OR52I2: variants seen among roughly 807,000 people sequenced by gnomAD.
The protein encoded by OR52I2 is olfactory receptor 52I2.
For missense variants in OR52I2, 350 were observed against 402.4 expected, an observed-to-expected ratio of 0.87 and a Z score of 1.11; for synonymous variants, 147 against 151.9, an observed-to-expected ratio of 0.97 and a Z score of 0.24.
At chr11:4,581,949 C>G (rs1240644314) in intron 1 of OR52I2, 85 bp downstream of exon 1, 1 of 152,188 alleles carries the variant, frequency 6.6e-6, no homozygotes, top group African/African-American at 2.4e-5. Flanking sequence ...CTGGGTCACC[C>G]CAGAATGAAA....
chr11:4,587,008 A>C (rs781069460), exon 2 of OR52I2: 2 of 1,614,140 alleles, frequency 1.2e-6, no homozygotes, highest in Non-Finnish European at 1.7e-6. Flanking sequence ...TGCCATGTAC[A>C]TCATAGCCCT....
exon 2 of OR52I2, chr11:4,587,984 T>G (rs1846321704): frequency 1.2e-6 from 1 of 810,398 alleles, no homozygotes; most frequent in Admixed American, 2.4e-5. Flanking sequence ...CTTGCATAAC[T>G]TTTCAATTAC....
chr11:4,586,710 TAAG>T (rs1233832845), intron 1 of OR52I2, 159 bp from the exon 2 acceptor site: 13 of 904,460 alleles, frequency 1.4e-5, no homozygotes, highest in Non-Finnish European at 2.2e-5. Flanking sequence ...GGAAGAATAT[TAAG>T]GAGGATAAAA....
At chr11:4,585,924 T>C (rs1043515262) in intron 1 of OR52I2, among the ~76,000 whole-genome samples, 11 of 152,230 alleles carry the variant, frequency 7.2e-5, no homozygotes, top group Admixed American at 7.2e-4. Flanking sequence ...TAGCACATAC[T>C]ATGTTCATAA....
intron 1 of OR52I2, among the ~76,000 whole-genome samples, chr11:4,582,726 G>A (rs1846268197): frequency 6.6e-6 from 1 of 151,986 alleles, no homozygotes; most frequent in African/African-American, 2.4e-5. Context: ...GAGCCACCAT[G>A]TCCGGTCGAA....
exon 2 of OR52I2, chr11:4,587,678 T>C (rs138302486): frequency 2.5e-6 from 4 of 1,614,202 alleles, no homozygotes; most frequent in Non-Finnish European, 3.4e-6. Context: ...ATGGCATCCA[T>C]CTATGCGGCC....
At chr11:4,585,884 C>T (rs1846296139) in intron 1 of OR52I2, among the ~76,000 whole-genome samples, 1 of 152,214 alleles carries the variant, frequency 6.6e-6, no homozygotes, top group Admixed American at 6.5e-5. Context: ...TACACTCAGA[C>T]TATGAATACT....
chr11:4,587,905 C>T (rs1846321112), exon 2 of OR52I2: 1 of 1,522,798 alleles, frequency 6.6e-7, no homozygotes, highest in East Asian at 2.3e-5. Context: ...TCAAAGATGC[C>T]TTAGAGATCT....
chr11:4,582,780 C>T (rs74633842), intron 1 of OR52I2, among the ~76,000 whole-genome samples: 5,722 of 152,060 alleles, frequency 0.038, 139 homozygotes, highest in Non-Finnish European at 0.061. Context: ...CAGATCTGCA[C>T]GTGAATGTTT....
chr11:4,583,319 G>C (rs1846274355), intron 1 of OR52I2, among the ~76,000 whole-genome samples: 1 of 152,084 alleles, frequency 6.6e-6, no homozygotes, highest in Admixed American at 6.5e-5. Context: ...TGCCCAGTTA[G>C]TTTCCAGGGC....
chr11:4,587,479 G>A lies in OR52I2; in HGVS notation c.589G>A (p.Val197Met), dbSNP rs146669514. ...GGCCAGGTTAGCATGTGCTGACCCC[G>A]TGCCCAGCAGTCTCTACAGTCTGAT... The change falls in exon 2 of 2, where the codon GTG (valine) becomes ATG (methionine). Residue 197 changes from valine (V) to methionine (M), a missense_variant. Physicochemically the swap from Val to Met is conservative, Grantham distance 21 (BLOSUM62 1). Coordinates refer to ENST00000641896, the Ensembl canonical transcript of OR52I2. The A allele has an allele frequency of 5.7e-5, 92 of 1,614,128 alleles. No individual in the cohort carries two copies. In the African/African-American group the frequency reaches 5.7e-4, roughly 10 times the overall value.
exon 2 of OR52I2, chr11:4,587,935 G>A: frequency 8.0e-7 from 1 of 1,247,020 alleles, no homozygotes; most frequent in Non-Finnish European, 1.1e-6. Context: ...AGTTTACCTG[G>A]TGCTACAGGA....
rs761886686 is a variant in OR52I2 at position 4,587,066 on chromosome 11, G to A, written c.176G>A (p.Arg59Gln). 18 of 1,613,966 alleles carry A rather than the reference G, an allele frequency of 1.1e-5. No homozygotes were observed. The highest frequency in any genetic ancestry group is 1.1e-4 in the East Asian group (5 of 44,892). The change falls in exon 2 of 2, where the codon CGG (arginine) becomes CAG (glutamine). Residue 59 changes from arginine to glutamine, a missense_variant. Arg to Gln is a conservative substitution (Grantham distance 43). Transcript: ENST00000641896. ...ACTGCAATCTGGATGGATTCCACTC[G>A]GCATGAGCCCATGTATTGCTTTCTG...
intron 1 of OR52I2, among the ~76,000 whole-genome samples, chr11:4,585,467 A>G (rs920226266): frequency 2.6e-5 from 4 of 152,196 alleles, no homozygotes; most frequent in African/African-American, 9.6e-5. Context: ...CTAAAGGGCT[A>G]CCACGCAGGA....
Position 4,587,333 on chromosome 11 carries a change from TGAGTATG to T in OR52I2, c.445_451del (p.Ser149ProfsTer8), listed in dbSNP as rs139794951. 4.3e-3 allele frequency: 6,857 copies of T among 1,613,310 alleles called. 140 individuals are homozygous for T. The highest frequency in any genetic ancestry group is 0.034 in the African/African-American group (2,492 of 74,248). ...CTCACGCCTCAAGTGATGCTGGGAA[TGAGTATG>T]GCCATCACCATCAGAGCTATCATAG... is the stretch of plus-strand genomic sequence containing the variant. On this transcript the variant is annotated frameshift_variant, in exon 2 of 2. Transcript: ENST00000641896. LOFTEE classifies it low-confidence loss of function (END_TRUNC).
chr11:4,592,209 T>C (rs1846355409), exon 2 of OR52I2: 1 of 152,246 alleles, frequency 6.6e-6, no homozygotes, highest in Non-Finnish European at 1.5e-5. Flanking sequence ...TAAGCACTTT[T>C]ACATAGCTTA....
rs55804480 is a variant in OR52I2 at position 4,587,496 on chromosome 11, C to T, written c.606C>T (p.Tyr202=). ...CTGACCCCGTGCCCAGCAGTCTCTA[C>T]AGTCTGATTGGTTCCTCTCTTATGG... Residue 202 remains tyrosine, a synonymous_variant, in exon 2 of 2, where the codon TAC becomes TAT. Coordinates refer to ENST00000641896, the Ensembl canonical transcript of OR52I2. The T allele has an allele frequency of 3.7e-3, 5,991 of 1,614,164 alleles. 207 individuals are homozygous for T. In the African/African-American group the frequency reaches 0.072, roughly 19 times the overall value.
intron 1 of OR52I2, among the ~76,000 whole-genome samples, chr11:4,586,210 C>A (rs1383124077): frequency 6.6e-6 from 1 of 152,126 alleles, no homozygotes; most frequent in Non-Finnish European, 1.5e-5. Flanking sequence ...CTCTAATGAT[C>A]TTATTTTTCC....
At chr11:4,589,292 C>T (rs1372862755) in exon 2 of OR52I2, 1 of 152,258 alleles carries the variant, frequency 6.6e-6, no homozygotes, top group African/African-American at 2.4e-5. Context: ...CAATATGACT[C>T]TCCATTGTTT....
Sources: allele counts gnomAD v4.1 joint callset (sites outside exome capture counted in the v4.1 genomes callset), GRCh38; gene constraint gnomAD v4.1.1; transcripts MANE v1.5; gene names NCBI Gene and HGNC (gene_info 2026-07-23, HGNC 2026-07-21).